The following NWD2 variants were observed in gnomAD, a reference collection of about 807,000 sequenced individuals.
The protein encoded by NWD2 is NACHT and WD repeat domain containing 2.
NWD2 carries 37 observed loss-of-function variants against 132.7 expected under a neutral mutation model. The ratio of observed to expected loss-of-function variants is 0.28; its 90% confidence interval spans 0.21 to 0.37. The LOEUF is 0.37. Among genes scored for constraint, NWD2 ranks in the 10% least tolerant of loss-of-function variants. The probability of loss-of-function intolerance (pLI) is 1.00; values close to 1 mark genes in which losing one functional copy is unlikely to be tolerated. For synonymous variants in NWD2, 705 were observed against 803.0 expected (o/e 0.88, Z 2.06); for missense variants, 1,592 against 2,122.4 (o/e 0.75, Z 4.91).
chr4:37,317,658 C>A (rs532555067), intron 1 of NWD2, among the ~76,000 whole-genome samples: 1 of 152,306 alleles, frequency 6.6e-6, no homozygotes, highest in Non-Finnish European at 1.5e-5. Flanking sequence ...CAATTTGTTT[C>A]ATGCCTTTGA....
intron 5 of NWD2, among the ~76,000 whole-genome samples, chr4:37,434,306 A>T (rs990815424): frequency 2.0e-5 from 3 of 152,200 alleles, no homozygotes; most frequent in African/African-American, 7.2e-5. Context: ...TGAGCTGTTC[A>T]TTCATCACTT....
At chr4:37,394,791 C>G (rs952926705) in intron 3 of NWD2, among the ~76,000 whole-genome samples, 1 of 67,692 alleles carries the variant, frequency 1.5e-5, no homozygotes, top group Non-Finnish European at 3.1e-5. Context: ...CTATAGTGAA[C>G]CTTTATGGTT....
At chr4:37,363,202 C>T (rs28674872) in intron 3 of NWD2, among the ~76,000 whole-genome samples, 68,048 of 151,896 alleles carry the variant, frequency 0.45, 16,843 homozygotes, top group Middle Eastern at 0.63. Flanking sequence ...TATACATTGT[C>T]GGTGGAAATG....
chr4:37,339,956 T>TA (rs199504743), intron 2 of NWD2, among the ~76,000 whole-genome samples: 2 of 146,556 alleles, frequency 1.4e-5, no homozygotes, highest in African/African-American at 5.1e-5. Flanking sequence ...TTCTGGTTGT[T>TA]TTTTTTTTTT....
At chr4:37,429,230 A>G (rs768475520) in intron 3 of NWD2, among the ~76,000 whole-genome samples, 10 of 152,224 alleles carry the variant, frequency 6.6e-5, no homozygotes, top group Non-Finnish European at 1.2e-4. Flanking sequence ...ATGTTTGTGT[A>G]TACATATATG....
intron 1 of NWD2, among the ~76,000 whole-genome samples, chr4:37,286,549 G>C (rs1352512138): frequency 6.6e-6 from 1 of 152,206 alleles, no homozygotes; most frequent in Non-Finnish European, 1.5e-5. Context: ...AAAGCAAAAA[G>C]TTAAAAATCA....
chr4:37,251,763 A>G (rs1717364653), intron 1 of NWD2, among the ~76,000 whole-genome samples: 2 of 152,240 alleles, frequency 1.3e-5, no homozygotes, highest in South Asian at 4.1e-4. Flanking sequence ...AGTACTAAGG[A>G]GATAGATAAT....
chr4:37,318,105 A>G (rs1237230690), intron 1 of NWD2, among the ~76,000 whole-genome samples: 1 of 146,632 alleles, frequency 6.8e-6, no homozygotes, highest in African/African-American at 2.5e-5. Context: ...GGCTCACTGC[A>G]ACCTCCACCT....
chr4:37,364,403 C>T (rs913437795), intron 3 of NWD2, among the ~76,000 whole-genome samples: 29 of 151,988 alleles, frequency 1.9e-4, no homozygotes, highest in Admixed American at 4.6e-4. Flanking sequence ...CCATTACCAC[C>T]AATGGAGGCA....
Position 37,446,758 on chromosome 4 carries a change from G to C in NWD2, c.4770G>C (p.Glu1590Asp). The change falls in exon 7 of 7, where the codon GAG becomes GAC. Residue 1590 changes from glutamate (E) to aspartate (D), a missense_variant. Glu to Asp is a conservative substitution (Grantham distance 45, BLOSUM62 2). Around this residue, in one of 7 missense-constraint regions of NWD2, gnomAD observed 257 missense variants for 335.0 expected, o/e 0.77. Transcript: ENST00000309447. The surrounding 1 kb of genome is among the most constrained non-coding windows in gnomAD (Gnocchi z 6.7). ...VYICFRNGEE[E>D]DENGAIFSLI... is the part of the protein sequence containing the mutation. The stretch of plus-strand genomic sequence containing the variant: ...TTTGTTTCCGAAATGGGGAGGAGGA[G>C]GATGAAAATGGTGCAATATTCAGTT... 6.4e-7 allele frequency: 1 copy of C among 1,551,764 alleles called. No homozygotes were observed. The highest frequency in any genetic ancestry group is 8.7e-7 in the Non-Finnish European group (1 of 1,147,014).
intron 3 of NWD2, among the ~76,000 whole-genome samples, chr4:37,427,336 T>C (rs1329545955): frequency 1.3e-5 from 2 of 152,132 alleles, no homozygotes; most frequent in Admixed American, 1.3e-4. Context: ...AATGGGATAA[T>C]CACCAGGTTG....
chr4:37,365,312 T>A (rs1720075915), intron 3 of NWD2, among the ~76,000 whole-genome samples: 2 of 152,192 alleles, frequency 1.3e-5, no homozygotes, highest in African/African-American at 4.8e-5. Flanking sequence ...AGTACTTAAT[T>A]TTCATTCATA....
At chr4:37,260,834 T>A (rs1717621753) in intron 1 of NWD2, among the ~76,000 whole-genome samples, 1 of 152,164 alleles carries the variant, frequency 6.6e-6, no homozygotes, top group African/African-American at 2.4e-5. Context: ...ATAGAAGGGA[T>A]CTGATCTTCA....
intron 1 of NWD2, among the ~76,000 whole-genome samples, chr4:37,299,192 C>G (rs1718563057): frequency 6.6e-6 from 1 of 152,236 alleles, no homozygotes; most frequent in Non-Finnish European, 1.5e-5. Context: ...TTTTTCAAAT[C>G]TGTAATACAA....
chr4:37,395,694 T>C (rs1017851309), intron 3 of NWD2, among the ~76,000 whole-genome samples: 2 of 151,744 alleles, frequency 1.3e-5, no homozygotes, highest in African/African-American at 4.8e-5. Context: ...TCTTTGTTCT[T>C]CCTTCATCCC....
chr4:37,303,610 A>G (rs1034552656), intron 1 of NWD2, among the ~76,000 whole-genome samples: 4 of 151,918 alleles, frequency 2.6e-5, no homozygotes, highest in Non-Finnish European at 4.4e-5. Flanking sequence ...GTCCTCTTCA[A>G]TTTCTTTCAT....
At chr4:37,306,860 A>C (rs559348102) in intron 1 of NWD2, among the ~76,000 whole-genome samples, 1 of 152,014 alleles carries the variant, frequency 6.6e-6, no homozygotes, top group Admixed American at 6.6e-5. Flanking sequence ...GTCTCTACTA[A>C]AAAAATACAA....
At chr4:37,328,611 A>G (rs1036903451) in intron 2 of NWD2, among the ~76,000 whole-genome samples, 1 of 152,000 alleles carries the variant, frequency 6.6e-6, no homozygotes, top group Non-Finnish European at 1.5e-5. Flanking sequence ...TCCATGGTGT[A>G]GATGTGCCAC....
At position 37,313,023 on chromosome 4, in the gene NWD2, G is replaced by C. The variant is rs980727487; in HGVS notation, c.152-12913G>C. Among the ~76,000 whole-genome samples, 15 of 151,108 alleles carry C rather than the reference G, an allele frequency of 9.9e-5. 1 individual carries two copies. The highest frequency in any genetic ancestry group is 3.5e-4 in the African/African-American group (14 of 40,458). ...AGCTTTTTGATGTGCTGCTGGATTC[G>C]GTTTGCCAATATTTTATTGAGGATT... On this transcript the variant is annotated intron_variant, in intron 1 of 6. Transcript: ENST00000309447.
Sources: gnomAD v4.1 joint callset for allele counts (sites outside exome capture counted in the v4.1 genomes callset) on GRCh38, gnomAD v4.1.1 for gene constraint, gnomAD v4.1.1 regional missense constraint, Gnocchi (gnomAD v3.1) non-coding constraint, MANE v1.5 for transcripts, NCBI Gene and HGNC (gene_info 2026-07-23, HGNC 2026-07-21) for gene names.